MANBA: variants seen among roughly 807,000 people sequenced by gnomAD.
MANBA encodes beta-mannosidase.
In MANBA, 83 loss-of-function variants were observed where a neutral mutation model predicts 111.1. The ratio of observed to expected loss-of-function variants is 0.75; its 90% CI spans 0.63 to 0.90. MANBA has a LOEUF of 0.90. Ranked by LOEUF, MANBA falls within the 40% of genes least tolerant of loss-of-function variation. MANBA has a pLI of 0.00. For synonymous variants in MANBA, 370 were observed against 378.7 expected (o/e 0.98, Z 0.27); for missense variants, 1,036 against 1,069.0 (o/e 0.97, Z 0.43).
chr4:102,636,524 T>A (rs554668721), intron 14 of MANBA, among the ~76,000 whole-genome samples: 2 of 152,210 alleles, frequency 1.3e-5, no homozygotes, highest in Non-Finnish European at 2.9e-5. Flanking sequence ...AACTTATAGA[T>A]TCTAGGTAGC....
At chr4:102,726,516 C>T in intron 2 of MANBA, 73 bp downstream of exon 2, 1 of 814,800 alleles carries the variant, frequency 1.2e-6, no homozygotes, top group South Asian at 1.5e-5. Flanking sequence ...AAACAAAACA[C>T]AACATTTTTG....
chr4:102,693,271 C>T (rs1043916622), intron 5 of MANBA, among the ~76,000 whole-genome samples: 1 of 152,094 alleles, frequency 6.6e-6, no homozygotes, highest in Non-Finnish European at 1.5e-5. Flanking sequence ...ACAAATCTAG[C>T]CCACCTCTTG....
At chr4:102,672,289 A>C (rs57371361) in intron 8 of MANBA, 12,140 of 388,244 alleles carry the variant, frequency 0.031, 1,170 homozygotes, top group African/African-American at 0.21. Context: ...AAATATGCTA[A>C]AATGTTATTT....
At chr4:102,667,677 C>T (rs1342094646) in intron 10 of MANBA, 1 of 152,042 alleles carries the variant, frequency 6.6e-6, no homozygotes, top group Admixed American at 6.5e-5. Context: ...GTAAAGTGAC[C>T]TCCCTAAGGT....
Position 102,698,389 on chromosome 4 carries a change from T to G in MANBA, c.674-7618A>C, listed in dbSNP as rs1192559477. Among the ~76,000 whole-genome samples, 12 of 150,804 alleles carry G rather than the reference T, an allele frequency of 8.0e-5. No homozygotes were observed. In the East Asian group the frequency reaches 9.7e-4, roughly 12 times the overall value. ...GATCCCATTTGTCAATTTTGGCTTT[T>G]GTTGCCATTGCTTTTGGTGTTTTAG... On this transcript the variant is annotated intron_variant, in intron 5 of 16. Transcript: ENST00000647097.
intron 5 of MANBA, among the ~76,000 whole-genome samples, chr4:102,693,101 T>C (rs1312875680): frequency 6.6e-6 from 1 of 152,188 alleles, no homozygotes; most frequent in Admixed American, 6.5e-5. Flanking sequence ...TACTAGTCGA[T>C]GAGCTCTGAG....
At chr4:102,710,008 AC>A (rs1440842981) in intron 5 of MANBA, among the ~76,000 whole-genome samples, 1 of 152,204 alleles carries the variant, frequency 6.6e-6, no homozygotes, top group Admixed American at 6.5e-5. Context: ...GAAGGAGCAT[AC>A]CTCAACATAA....
Position 102,748,322 on chromosome 4 carries a change from T to C in MANBA, c.177+12396A>G, listed in dbSNP as rs1027277833. ...TTATGAAGAGTGCTTAGAACAGTTCTTGGTACATAGTGTGCACTCAAAAAT... is the reference window on the plus strand; with the variant it reads ...TTATGAAGAGTGCTTAGAACAGTTCCTGGTACATAGTGTGCACTCAAAAAT... On this transcript the variant is annotated intron_variant, in intron 1 of 16. Transcript: ENST00000647097. Among the ~76,000 whole-genome samples, 10 of 152,320 alleles carry C rather than the reference T, an allele frequency of 6.6e-5. 1 individual carries two copies. The East Asian group carries it at 1.9e-3, about 29-fold the overall frequency.
At chr4:102,657,961 T>C (rs1243300751) in intron 11 of MANBA, 61 bp from the exon 12 acceptor site, 6 of 1,233,648 alleles carry the variant, frequency 4.9e-6, no homozygotes, top group Non-Finnish European at 7.2e-6. Context: ...GTATGTATCA[T>C]TTACTTCTTT....
At chr4:102,730,349 C>T (rs1415825786) in intron 1 of MANBA, among the ~76,000 whole-genome samples, 3 of 152,110 alleles carry the variant, frequency 2.0e-5, no homozygotes, top group African/African-American at 7.2e-5. Context: ...CCCTGTGCCA[C>T]CTGGAGGGCT....
Position 102,726,730 on chromosome 4 carries a change from A to T in MANBA, c.178-47T>A, listed in dbSNP as rs776774468. 4 of 852,180 alleles carry T rather than the reference A, an allele frequency of 4.7e-6. No homozygotes were observed. In the East Asian group the frequency reaches 9.7e-5, roughly 21 times the overall value. The allele number at this position is 852,180 out of a possible 1,614,324, so 52.8% of individuals were successfully genotyped here. A position where few individuals can be genotyped will look rare whatever the true frequency, so the allele number is the denominator to read the frequency against. ...TATGGTAGATGGTTAAATATGCACA[A>T]ATAAATTAATAAAACAAACATAAAA... On this transcript the variant is annotated intron_variant, in intron 1 of 16. Transcript: ENST00000647097.
Position 102,722,862 on chromosome 4 carries a change from G to A in MANBA, c.549+9C>T. 6.2e-7 allele frequency: 1 copy of A among 1,613,746 alleles called. No individual in the cohort carries two copies. Among genetic ancestry groups the A allele is most frequent in the Non-Finnish European group, 8.5e-7 (1 of 1,179,652 alleles). The stretch of plus-strand genomic sequence containing the variant: ...AAAATAAAACCCGACCTGTTTGAGA[G>A]ACCATTACCTTCCGAACAAAGTTGA... On this transcript the variant is annotated intron_variant, in intron 4 of 16. Transcript: ENST00000647097.
Position 102,726,691 on chromosome 4 carries a change from T to C in MANBA, c.178-8A>G, listed in dbSNP as rs113584126. On this transcript the variant is annotated splice_polypyrimidine_tract_variant and splice_region_variant and intron_variant, in intron 1 of 16. Coordinates refer to ENST00000647097, the MANE Select transcript of MANBA (RefSeq NM_005908.4). ...AAATCTGTAGTAAGAATCCTGTTGA[T>C]ACAAGGTAAAAATTATGGTAGATGG... The C allele has an allele frequency of 0.013, 17,846 of 1,353,440 alleles. 175 individuals carry two copies. The highest frequency in any genetic ancestry group is 0.016 in the South Asian group (1,399 of 84,890). The allele number at this position is 1,353,440 out of a possible 1,614,324, so 83.8% of individuals were successfully genotyped here. A position where few individuals can be genotyped will look rare whatever the true frequency, so the allele number is the denominator to read the frequency against.
chr4:102,659,522 A>C (rs1316889327), intron 11 of MANBA, among the ~76,000 whole-genome samples: 1 of 152,098 alleles, frequency 6.6e-6, no homozygotes, highest in Non-Finnish European at 1.5e-5. Context: ...TACTATAGCC[A>C]ACAAACTATC....
At chr4:102,754,878 A>C (rs1481399651) in intron 1 of MANBA, among the ~76,000 whole-genome samples, 4 of 152,128 alleles carry the variant, frequency 2.6e-5, no homozygotes, top group Non-Finnish European at 1.5e-5. Flanking sequence ...CTGTATATTT[A>C]ATACTTATAA....
chr4:102,687,588 G>A (rs190936921), intron 7 of MANBA, among the ~76,000 whole-genome samples: 2 of 152,028 alleles, frequency 1.3e-5, no homozygotes, highest in East Asian at 1.9e-4. Flanking sequence ...TTTTCCCTCC[G>A]CCTCTTTGCT....
chr4:102,723,805 A>T, intron 3 of MANBA, 57 bp downstream of exon 3: 1 of 961,398 alleles, frequency 1.0e-6, no homozygotes, highest in South Asian at 1.4e-5. Context: ...TACTCACAAA[A>T]GCAATTAACA....
rs566451071 is a variant in MANBA at position 102,728,129 on chromosome 4, G to A, written c.178-1446C>T. On this transcript the variant is annotated intron_variant, in intron 1 of 16. Transcript: ENST00000647097. ...TGCTGCCTTATGCTCTTGGTTGAAC[G>A]AAGGCTTGGTATAGATGGCGTTTCC... 1.7e-5 allele frequency: 9 copies of A among 537,878 alleles called. No homozygotes were observed. In the East Asian group the frequency reaches 2.1e-4, roughly 13 times the overall value. 33.3% of individuals were successfully genotyped at this position (537,878 alleles called of 1,614,324 possible).
At chr4:102,680,388 G>A (rs1030956713) in intron 7 of MANBA, among the ~76,000 whole-genome samples, 3 of 152,190 alleles carry the variant, frequency 2.0e-5, no homozygotes, top group African/African-American at 7.2e-5. Context: ...AGAGAGAAAT[G>A]TCTGAGCTGA....
Sources: gnomAD v4.1 joint callset for allele counts (sites outside exome capture counted in the v4.1 genomes callset) on GRCh38, gnomAD v4.1.1 for gene constraint, MANE v1.5 for transcripts, NCBI Gene and HGNC (gene_info 2026-07-23, HGNC 2026-07-21) for gene names.